Variants in EPB41L1 observed in about 807,000 individuals in gnomAD.
EPB41L1 encodes the protein erythrocyte membrane protein band 4.1 like 1, also known as band 4.1-like protein 1.
In EPB41L1, 29 loss-of-function variants were observed where a neutral mutation model predicts 97.8. The observed-to-expected ratio is 0.30, with a 90% confidence interval of 0.22 to 0.40. EPB41L1 has a LOEUF of 0.40. EPB41L1 is among the 10% of genes least tolerant of loss of function. The pLI is 1.00. For missense variants in EPB41L1, 812 were observed against 1,162.3 expected (o/e 0.70, Z 4.38); for synonymous variants, 383 against 459.2 (o/e 0.83, Z 2.12).
At chr20:36,144,689 G>A (rs892886561) in intron 2 of EPB41L1, among the ~76,000 whole-genome samples, 3 of 152,196 alleles carry the variant, frequency 2.0e-5, no homozygotes, top group Non-Finnish European at 4.4e-5. Flanking sequence ...TGATGGAAAG[G>A]CAGGAGGTCA....
At chr20:36,162,569 G>A (rs2060576640) in intron 1 of EPB41L1, among the ~76,000 whole-genome samples, 1 of 152,204 alleles carries the variant, frequency 6.6e-6, no homozygotes, top group Non-Finnish European at 1.5e-5. Context: ...AAGACAGCCA[G>A]CATGTTGCCC....
chr20:36,177,907 C>A (rs779273556), intron 3 of EPB41L1, 45 bp from the exon 4 acceptor site: 1 of 1,513,048 alleles, frequency 6.6e-7, no homozygotes, highest in Admixed American at 1.7e-5. Flanking sequence ...CAGCCTCGCC[C>A]CGGGGTGTGC....
In EPB41L1 at chr20:36,212,140, A is replaced by G; in HGVS notation, c.2080-132A>G. The G allele has an allele frequency of 2.4e-6, 2 of 850,322 alleles. No individual in the cohort carries two copies. The highest frequency in any genetic ancestry group is 3.9e-6 in the Non-Finnish European group (2 of 510,270). 52.7% of individuals were successfully genotyped at this position (850,322 alleles called of 1,614,324 possible). ...ACACCACAACTCTTTTACCCTGTCC[A>G]GAGTACCCTTCCAGAGATGTGGCCA... On this transcript the variant is annotated intron_variant, in intron 15 of 21. Transcript: ENST00000338074. The surrounding 1 kb of genome is among the most constrained non-coding windows in gnomAD (Gnocchi z 4.8).
intron 11 of EPB41L1, among the ~76,000 whole-genome samples, chr20:36,192,083 G>C (rs60641348): frequency 6.6e-6 from 1 of 151,838 alleles, no homozygotes; most frequent in African/African-American, 2.4e-5. Flanking sequence ...AAAATTAGCC[G>C]GGCGTGGTGG....
chr20:36,126,020 G>A (rs1476360182), intron 2 of EPB41L1, among the ~76,000 whole-genome samples: 2 of 152,110 alleles, frequency 1.3e-5, no homozygotes, highest in African/African-American at 4.8e-5. Flanking sequence ...TCGATGGGGG[G>A]CTGACGAGAT....
Position 36,197,882 on chromosome 20 carries a change from C to T in EPB41L1, c.1509C>T (p.Val503=). ...KQEFLDKPED[V]LLKHQASINE... ...AGTTCTTAGACAAGCCAGAAGATGT[C>T]TTGCTGAAGCACCAGGCCAGCATCA... The change falls in exon 14 of 22, where the codon GTC becomes GTT. Residue 503 remains valine, a synonymous_variant. Transcript: ENST00000338074. 5 of 1,614,166 alleles carry T rather than the reference C, an allele frequency of 3.1e-6. No individual in the cohort carries two copies. The highest frequency in any genetic ancestry group is 4.2e-6 in the Non-Finnish European group (5 of 1,180,022).
intron 8 of EPB41L1, 101 bp downstream of exon 8, chr20:36,187,864 C>G: frequency 1.0e-6 from 1 of 968,004 alleles, no homozygotes; most frequent in Admixed American, 2.0e-5. Flanking sequence ...TGTGTTACCT[C>G]CAACTTGAAA....
chr20:36,175,258 CA>C (rs1421498730), intron 2 of EPB41L1, among the ~76,000 whole-genome samples: 6 of 152,166 alleles, frequency 3.9e-5, no homozygotes, highest in Non-Finnish European at 7.3e-5. Context: ...CAGCTCTGGC[CA>C]CTGGCTTTGG....
chr20:36,101,308 C>T (rs1201333884), intron 1 of EPB41L1, among the ~76,000 whole-genome samples: 1 of 152,078 alleles, frequency 6.6e-6, no homozygotes, highest in Non-Finnish European at 1.5e-5. Context: ...AACCTGCTCT[C>T]ACCCCATGTG....
chr20:36,229,487 T>C lies in EPB41L1; in HGVS notation c.*147T>C, dbSNP rs1207897084. ...ATGAGAGACTGGGAAGGGAAAAGCATATATATATAGATATATAGAGATATA... is the reference window on the plus strand; with the variant it reads ...ATGAGAGACTGGGAAGGGAAAAGCACATATATATAGATATATAGAGATATA... On this transcript the variant is annotated 3_prime_UTR_variant, in exon 22 of 22. Coordinates refer to ENST00000338074, the MANE Select transcript of EPB41L1 (RefSeq NM_012156.2). The C allele has an allele frequency of 2.7e-6, 2 of 734,750 alleles. No homozygotes were observed. The highest frequency in any genetic ancestry group is 3.5e-5 in the African/African-American group (2 of 57,004). The allele number at this position is 734,750 out of a possible 1,614,324, so 45.5% of individuals were successfully genotyped here.
At chr20:36,102,006 AAAAAC>A (rs202030350) in intron 1 of EPB41L1, among the ~76,000 whole-genome samples, 97 of 137,658 alleles carry the variant, frequency 7.0e-4, no homozygotes, top group African/African-American at 1.6e-3. Context: ...CTCTGTCTCA[AAAAAC>A]AAAACAAAAC....
In EPB41L1 at chr20:36,093,210, T is replaced by C. The variant is rs1359479586; in HGVS notation, c.-65+1598T>C. On this transcript the variant is annotated intron_variant, in intron 1 of 19. Transcript: ENST00000202028. This position sits in a 1 kb window ranked among gnomAD's most constrained non-coding sequence, Gnocchi z 5.4. ...GGGTGCGTGTGTCTGCGTGTGTCTG[T>C]CGGTGAATGTATCTGTGAGAGGGTG... Among the ~76,000 whole-genome samples, 1 of 151,858 alleles carries C rather than the reference T, an allele frequency of 6.6e-6. No homozygotes were observed. The highest frequency in any genetic ancestry group is 1.5e-5 in the Non-Finnish European group (1 of 67,976).
At chr20:36,220,545 G>A (rs2063722747) in intron 19 of EPB41L1, among the ~76,000 whole-genome samples, 1 of 152,190 alleles carries the variant, frequency 6.6e-6, no homozygotes, top group South Asian at 2.1e-4. Flanking sequence ...AGCCATGAAG[G>A]TTTTTAGATT....
intron 14 of EPB41L1, chr20:36,200,890 C>T (rs1288834329): frequency 4.4e-6 from 2 of 456,724 alleles, no homozygotes; most frequent in South Asian, 3.1e-5. Context: ...GGACCCAGGA[C>T]ATCTCTCAGC....
chr20:36,133,985 G>A (rs1670109566), intron 2 of EPB41L1, among the ~76,000 whole-genome samples: 1 of 152,136 alleles, frequency 6.6e-6, no homozygotes, highest in South Asian at 2.1e-4. Context: ...TACGGAAGAG[G>A]AAGCTGAACC....
At chr20:36,137,498 G>A (rs1247190808) in intron 2 of EPB41L1, among the ~76,000 whole-genome samples, 1 of 152,016 alleles carries the variant, frequency 6.6e-6, no homozygotes, top group African/African-American at 2.4e-5. Context: ...TGAGATTATA[G>A]GCATGAGTCA....
At chr20:36,162,007 TC>T (rs1225269338) in intron 1 of EPB41L1, among the ~76,000 whole-genome samples, 3 of 152,144 alleles carry the variant, frequency 2.0e-5, no homozygotes, top group Admixed American at 2.0e-4. Flanking sequence ...CAAGCAATCC[TC>T]CCTCCTTGGC....
chr20:36,107,943 T>C (rs2058255993), intron 1 of EPB41L1, among the ~76,000 whole-genome samples: 1 of 152,156 alleles, frequency 6.6e-6, no homozygotes, highest in Non-Finnish European at 1.5e-5. Context: ...AGAGGATGTA[T>C]TAAAAAATGT....
Position 36,093,854 on chromosome 20 carries a change from G to A in EPB41L1, c.-65+2242G>A, listed in dbSNP as rs958141054. Among the ~76,000 whole-genome samples the A allele has an allele frequency of 1.3e-5, 2 of 151,922 alleles. No individual in the cohort carries two copies. Among genetic ancestry groups the A allele is most frequent in the African/African-American group, 2.4e-5 (1 of 41,394 alleles). ...ACATGTCCCCTCCGGCCTCCCCCCA[G>A]CCCCCCACCAGACCTAGCCTGTGCC... On this transcript the variant is annotated intron_variant, in intron 1 of 19. Coordinates refer to the EPB41L1 transcript ENST00000202028. This position sits in a 1 kb window ranked among gnomAD's most constrained non-coding sequence, Gnocchi z 5.4.
Sources: gnomAD v4.1 joint callset for allele counts (sites outside exome capture counted in the v4.1 genomes callset) on GRCh38, gnomAD v4.1.1 for gene constraint, Gnocchi (gnomAD v3.1) non-coding constraint, MANE v1.5 for transcripts, NCBI Gene and HGNC (gene_info 2026-07-23, HGNC 2026-07-21) for gene names.